The following SYT6 variants were observed in gnomAD, a reference collection of about 807,000 sequenced individuals.
SYT6 encodes the protein synaptotagmin-6.
Under a neutral mutation model 38.4 loss-of-function variants are expected in SYT6, and 24 were observed. The observed-to-expected ratio is 0.62, with a 90% CI of 0.45 to 0.88. The LOEUF is 0.88. Among genes scored for constraint, SYT6 ranks in the 40% least tolerant of loss-of-function variants. The pLI, the probability that SYT6 is intolerant of heterozygous loss-of-function variation, is 0.00. For synonymous variants in SYT6, 265 were observed against 241.9 expected (o/e 1.10, Z -0.89); for missense variants, 611 against 621.0 (o/e 0.98, Z 0.17).
intron 6 of SYT6, among the ~76,000 whole-genome samples, chr1:114,095,330 TG>T (rs1460431614): frequency 3.3e-5 from 5 of 152,222 alleles, no homozygotes; most frequent in Non-Finnish European, 7.3e-5. Context: ...AACAGGGACT[TG>T]GAATCAATTA....
At position 114,103,591 on chromosome 1, in the gene SYT6, A is replaced by G. The variant is rs765839665; in HGVS notation, c.1192+10T>C. The G allele has an allele frequency of 9.9e-6, 16 of 1,613,980 alleles. No individual in the cohort carries two copies. Among genetic ancestry groups the G allele is most frequent in the Non-Finnish European group, 1.4e-5 (16 of 1,179,972 alleles). ...GGCTGCTGGCAGGCCACTTGGGTTA[A>G]GAGAGGTACCTGAATAGCCTGTGAT... is the stretch of plus-strand genomic sequence containing the variant. On this transcript the variant is annotated intron_variant, in intron 4 of 7. Coordinates refer to ENST00000610222, the MANE Select transcript of SYT6 (RefSeq NM_001253772.2).
chr1:114,117,189 G>T (rs1677046164), intron 3 of SYT6, among the ~76,000 whole-genome samples: 1 of 152,222 alleles, frequency 6.6e-6, no homozygotes, highest in Non-Finnish European at 1.5e-5. Flanking sequence ...CCTTTCTGAT[G>T]ATGGGCAGTA....
chr1:114,132,386 A>C (rs1678210965), intron 3 of SYT6, among the ~76,000 whole-genome samples: 1 of 152,038 alleles, frequency 6.6e-6, no homozygotes, highest in South Asian at 2.1e-4. Flanking sequence ...AAGAGTGGGG[A>C]TGTCTGGAAA....
chr1:114,094,863 G>A (rs1158268243), intron 6 of SYT6, among the ~76,000 whole-genome samples: 2 of 152,246 alleles, frequency 1.3e-5, no homozygotes, highest in African/African-American at 2.4e-5. Context: ...AAGGCAGGAT[G>A]TGAGCTCTGA....
chr1:114,109,171 A>G (rs1482324850), intron 3 of SYT6, among the ~76,000 whole-genome samples: 1 of 152,216 alleles, frequency 6.6e-6, no homozygotes, highest in Non-Finnish European at 1.5e-5. Flanking sequence ...ATCTCCTCCC[A>G]TAGCAACACA....
rs912674369 is a variant in SYT6, at chr1:114,099,518, T to C, written c.1193-253A>G. Among the ~76,000 whole-genome samples the C allele has an allele frequency of 3.1e-4, 47 of 152,292 alleles. 1 individual carries two copies. The highest frequency in any genetic ancestry group is 1.1e-3 in the African/African-American group (45 of 41,562). On this transcript the variant is annotated intron_variant, in intron 4 of 7. Transcript: ENST00000610222. The stretch of plus-strand genomic sequence containing the variant: ...AGAGCGCCTAATGGACTTTTACTAA[T>C]GGGGAAGCTGGCCCCATATCAGACA...
intron 3 of SYT6, among the ~76,000 whole-genome samples, chr1:114,115,291 C>A (rs1676927391): frequency 6.6e-6 from 1 of 152,168 alleles, no homozygotes; most frequent in Non-Finnish European, 1.5e-5. Context: ...ATACTCTGGA[C>A]AGGATTTTGA....
At chr1:114,123,547 C>A (rs867208069) in intron 3 of SYT6, among the ~76,000 whole-genome samples, 13 of 152,188 alleles carry the variant, frequency 8.5e-5, no homozygotes, top group African/African-American at 2.2e-4. Context: ...CTGGAGAAGG[C>A]TGGCAGGTGG....
intron 3 of SYT6, among the ~76,000 whole-genome samples, chr1:114,117,947 A>G (rs924677699): frequency 6.6e-6 from 1 of 152,262 alleles, no homozygotes; most frequent in Non-Finnish European, 1.5e-5. Context: ...GATCTAGTGC[A>G]GAGCAAACTC....
At chr1:114,097,632 C>G in intron 6 of SYT6, 95 bp downstream of exon 6, 3 of 1,501,872 alleles carry the variant, frequency 2.0e-6, no homozygotes, top group Non-Finnish European at 2.7e-6. Flanking sequence ...CCCACCTTTC[C>G]ACAAAAGGCC....
chr1:114,142,470 A>T (rs983670459), intron 1 of SYT6, among the ~76,000 whole-genome samples: 2 of 152,214 alleles, frequency 1.3e-5, no homozygotes, highest in African/African-American at 4.8e-5. Context: ...TTGAGATAAA[A>T]TATACTCCAG....
At chr1:114,103,752 G>A in intron 3 of SYT6, 31 bp from the exon 4 acceptor site, 1 of 1,604,914 alleles carries the variant, frequency 6.2e-7, no homozygotes, top group Non-Finnish European at 8.5e-7. Context: ...GGGCAGATGA[G>A]GGGCTTGCAG....
At chr1:114,096,372 T>C (rs1255992079) in intron 6 of SYT6, among the ~76,000 whole-genome samples, 1 of 152,142 alleles carries the variant, frequency 6.6e-6, no homozygotes, top group Non-Finnish European at 1.5e-5. Flanking sequence ...AAGACAGAAA[T>C]ATGAAGCCTC....
At position 114,123,850 on chromosome 1, in the gene SYT6, T is replaced by G. The variant is rs180983111; in HGVS notation, c.1071+13645A>C. On this transcript the variant is annotated intron_variant, in intron 3 of 7. Transcript: ENST00000610222. ...CTCCAGCCCCAGGTGGCCAGGACAC[T>G]TGCACAGGCCCCTCCCCGGCTCTTT... Among the ~76,000 whole-genome samples, 209 of 152,310 alleles carry G rather than the reference T, an allele frequency of 1.4e-3. 1 individual carries two copies. Among genetic ancestry groups the G allele is most frequent in the African/African-American group, 4.7e-3 (195 of 41,560 alleles).
chr1:114,125,491 T>C (rs1398871929), intron 3 of SYT6, among the ~76,000 whole-genome samples: 1 of 151,716 alleles, frequency 6.6e-6, no homozygotes, highest in African/African-American at 2.4e-5. Context: ...TCATGGAGAA[T>C]GAGTAGGTGT....
At chr1:114,132,093 C>T (rs767638813) in intron 3 of SYT6, among the ~76,000 whole-genome samples, 48 of 152,168 alleles carry the variant, frequency 3.2e-4, no homozygotes, top group Non-Finnish European at 5.4e-4. Flanking sequence ...TGTTTATTTA[C>T]ATATGGGGGA....
At chr1:114,149,512 G>C (rs978909431) in intron 1 of SYT6, among the ~76,000 whole-genome samples, 9 of 152,146 alleles carry the variant, frequency 5.9e-5, no homozygotes, top group African/African-American at 2.2e-4. Flanking sequence ...AGCTAATTAC[G>C]GCCGCACCAA....
chr1:114,098,909 AC>A (rs1232151689), intron 5 of SYT6, among the ~76,000 whole-genome samples, 184 bp downstream of exon 5: 3 of 152,134 alleles, frequency 2.0e-5, no homozygotes, highest in African/African-American at 7.2e-5. Context: ...AGAACTTTGA[AC>A]CTTTGCTAAG....
At chr1:114,127,641 C>G (rs1396143182) in intron 3 of SYT6, among the ~76,000 whole-genome samples, 1 of 152,204 alleles carries the variant, frequency 6.6e-6, no homozygotes, top group Admixed American at 6.5e-5. Flanking sequence ...AAAAGCTGCT[C>G]CTTGCTTGAT....
Sources: gnomAD v4.1 joint callset for allele counts (sites outside exome capture counted in the v4.1 genomes callset) on GRCh38, gnomAD v4.1.1 for gene constraint, MANE v1.5 for transcripts, NCBI Gene and HGNC (gene_info 2026-07-23, HGNC 2026-07-21) for gene names.